Variants in LMBR1 observed in about 807,000 individuals in gnomAD.
LMBR1 encodes the protein limb development membrane protein 1.
Under a neutral mutation model 73.9 loss-of-function variants are expected in LMBR1, and 52 were observed. The ratio of observed to expected loss-of-function variants is 0.70; its 90% CI spans 0.56 to 0.89. The LOEUF (loss-of-function observed/expected upper bound fraction) is 0.89. Among genes scored for constraint, LMBR1 ranks in the 40% least tolerant of loss-of-function variants. LMBR1 has a pLI of 0.00. For missense variants in LMBR1, 539 were observed against 579.8 expected (o/e 0.93, Z 0.72); for synonymous variants, 215 against 209.4 (o/e 1.03, Z -0.23).
chr7:156,731,652 G>A (rs1292661286), intron 10 of LMBR1, among the ~76,000 whole-genome samples: 1 of 152,100 alleles, frequency 6.6e-6, no homozygotes, highest in East Asian at 1.9e-4. Flanking sequence ...TCTATTGCCA[G>A]CAAACCTGTG....
At chr7:156,710,640 G>A (rs2132178641) in intron 15 of LMBR1, among the ~76,000 whole-genome samples, 1 of 152,298 alleles carries the variant, frequency 6.6e-6, no homozygotes, top group South Asian at 2.1e-4. Context: ...TGCTAGATAT[G>A]CAAATGTCCA....
At chr7:156,779,360 C>T (rs985961980) in intron 5 of LMBR1, among the ~76,000 whole-genome samples, 1 of 152,168 alleles carries the variant, frequency 6.6e-6, no homozygotes, top group Non-Finnish European at 1.5e-5. Flanking sequence ...AAGTACTTTT[C>T]TGCCAATGAA....
downstream of LMBR1, chr7:156,675,585 G>A (rs1299030041): frequency 7.4e-6 from 6 of 809,178 alleles, no homozygotes; most frequent in Admixed American, 6.6e-5. Flanking sequence ...AGTATTATTC[G>A]AAGACAGAGA....
chr7:156,705,680 T>C (rs755700535), intron 15 of LMBR1, among the ~76,000 whole-genome samples: 3 of 152,216 alleles, frequency 2.0e-5, no homozygotes, highest in Non-Finnish European at 4.4e-5. Context: ...GTCTCCACTA[T>C]ACAGATCCTG....
rs745615290 is a variant in LMBR1, at chr7:156,763,807, A to G, written c.424-12T>C. 1 of 1,577,998 alleles carries G rather than the reference A, an allele frequency of 6.3e-7. No homozygotes were observed. Among genetic ancestry groups the G allele is most frequent in the Admixed American group, 2.0e-5 (1 of 49,520 alleles). ...CGGGCTCGGATTCCCTGAAAAATAG[A>G]GTAGAAATATAATTTTAGTATTTTA... On this transcript the variant is annotated splice_polypyrimidine_tract_variant and intron_variant, in intron 5 of 16. Coordinates refer to ENST00000353442, the MANE Select transcript of LMBR1 (RefSeq NM_022458.4).
chr7:156,889,440 A>G lies in LMBR1; in HGVS notation c.66+3488T>C, dbSNP rs1802522371. Among the ~76,000 whole-genome samples, 9 of 152,354 alleles carry G rather than the reference A, an allele frequency of 5.9e-5. 1 individual carries two copies. The South Asian group carries it at 1.9e-3, about 32-fold the overall frequency. ...GTAGCAAAATCAGAAAGAATTGAATAATTTTAAAAATTGGCAACAGGTCTT... is the reference window on the plus strand; with the variant it reads ...GTAGCAAAATCAGAAAGAATTGAATGATTTTAAAAATTGGCAACAGGTCTT... On this transcript the variant is annotated intron_variant, in intron 1 of 16. Transcript: ENST00000353442.
At chr7:156,871,213 C>T (rs1023524936) in intron 1 of LMBR1, among the ~76,000 whole-genome samples, 8 of 152,086 alleles carry the variant, frequency 5.3e-5, no homozygotes, top group Non-Finnish European at 8.8e-5. Flanking sequence ...TTCCTAGAAA[C>T]ATAACACCCT....
At chr7:156,826,089 C>T (rs1019991707) in intron 4 of LMBR1, among the ~76,000 whole-genome samples, 3 of 152,226 alleles carry the variant, frequency 2.0e-5, no homozygotes, top group Non-Finnish European at 4.4e-5. Flanking sequence ...AAGTGATTCT[C>T]CTGCCTCAGC....
chr7:156,707,276 G>C (rs1036977077), intron 15 of LMBR1, among the ~76,000 whole-genome samples: 1 of 152,250 alleles, frequency 6.6e-6, no homozygotes, highest in Non-Finnish European at 1.5e-5. Context: ...CCCAGGACCA[G>C]ATGGATTCAC....
chr7:156,669,141 T>C lies in LMBR1; in HGVS notation n.1013A>G, dbSNP rs1220691535. On this transcript the variant is annotated non_coding_transcript_exon_variant, in exon 5 of 5. Coordinates refer to the LMBR1 transcript ENST00000430825. This position sits in a 1 kb window ranked among gnomAD's most constrained non-coding sequence, Gnocchi z 4.2. ...GAGTTGTGTACTTTGTGAGCCTTCA[T>C]TGTAAAGGGTGTGCTGACCAGCCCC... 1 of 152,160 alleles carries C rather than the reference T, an allele frequency of 6.6e-6. No individual in the cohort carries two copies. The highest frequency in any genetic ancestry group is 2.4e-5 in the African/African-American group (1 of 41,444). The allele number at this position is 152,160 out of a possible 1,614,324, so 9.4% of individuals were successfully genotyped here. A position where few individuals can be genotyped will look rare whatever the true frequency, so the allele number is the denominator to read the frequency against.
chr7:156,856,933 C>T (rs1199474369), intron 1 of LMBR1, among the ~76,000 whole-genome samples: 2 of 151,512 alleles, frequency 1.3e-5, no homozygotes, highest in East Asian at 1.9e-4. Flanking sequence ...TGAAGCAATA[C>T]AATGTTATGT....
chr7:156,840,225 C>T (rs1037308685), intron 1 of LMBR1, among the ~76,000 whole-genome samples: 2 of 152,158 alleles, frequency 1.3e-5, no homozygotes, highest in African/African-American at 4.8e-5. Context: ...CCTCATGGAG[C>T]TTACAGTACA....
At chr7:156,851,965 G>C (rs1208733686) in intron 1 of LMBR1, among the ~76,000 whole-genome samples, 2 of 152,084 alleles carry the variant, frequency 1.3e-5, no homozygotes, top group Non-Finnish European at 2.9e-5. Flanking sequence ...ATTCAATACT[G>C]TTATTCCTGG....
chr7:156,729,863 A>T (rs1322721573), intron 10 of LMBR1, among the ~76,000 whole-genome samples: 2 of 152,192 alleles, frequency 1.3e-5, no homozygotes, highest in Non-Finnish European at 2.9e-5. Flanking sequence ...TCCTCATGCT[A>T]AGAACAAGAA....
chr7:156,844,987 C>A (rs753375196), intron 1 of LMBR1, among the ~76,000 whole-genome samples: 4 of 152,152 alleles, frequency 2.6e-5, no homozygotes, highest in Non-Finnish European at 5.9e-5. Flanking sequence ...AATTGTACCA[C>A]CCAGCCTTTC....
At chr7:156,711,170 T>C (rs532493068) in intron 15 of LMBR1, among the ~76,000 whole-genome samples, 2 of 152,090 alleles carry the variant, frequency 1.3e-5, no homozygotes, top group East Asian at 3.9e-4. Context: ...ATTAGCTGTG[T>C]GTGGTGGCGC....
rs1017870786 is a variant in LMBR1, at chr7:156,681,356, A to C, written c.*2722T>G. 1.0e-5 allele frequency: 3 copies of C among 292,558 alleles called. No individual in the cohort carries two copies. Among genetic ancestry groups the C allele is most frequent in the Admixed American group, 5.2e-5 (1 of 19,150 alleles). The allele number at this position is 292,558 out of a possible 1,614,324, so 18.1% of individuals were successfully genotyped here. On this transcript the variant is annotated 3_prime_UTR_variant, in exon 17 of 17. Transcript: ENST00000353442. ...AACCAGCACCTTAGTGCAGCAATTTAAGGAGCTAACATTAGTGTGTATGTG... is the reference window on the plus strand; with the variant it reads ...AACCAGCACCTTAGTGCAGCAATTTCAGGAGCTAACATTAGTGTGTATGTG...
intron 9 of LMBR1, among the ~76,000 whole-genome samples, chr7:156,747,189 C>T (rs982516542): frequency 6.6e-6 from 1 of 152,108 alleles, no homozygotes; most frequent in South Asian, 2.1e-4. Context: ...GCAATAAAAA[C>T]AACACCTTTC....
chr7:156,717,371 C>T (rs1025090242), intron 15 of LMBR1, among the ~76,000 whole-genome samples: 3 of 152,130 alleles, frequency 2.0e-5, no homozygotes, highest in African/African-American at 7.2e-5. Flanking sequence ...GTAAGTAGCA[C>T]AGAGCTAGAT....
Sources: allele counts gnomAD v4.1 joint callset (sites outside exome capture counted in the v4.1 genomes callset), GRCh38; gene constraint gnomAD v4.1.1; non-coding constraint Gnocchi (gnomAD v3.1); transcripts MANE v1.5; gene names NCBI Gene and HGNC (gene_info 2026-07-23, HGNC 2026-07-21).